IL31RA: variants seen among roughly 807,000 people sequenced by gnomAD.
IL31RA encodes the protein interleukin-31 receptor subunit alpha.
IL31RA carries 66 observed loss-of-function variants against 83.7 expected under a neutral mutation model. That is an observed-to-expected ratio of 0.79 (90% confidence interval 0.65 to 0.97). IL31RA has a LOEUF of 0.97. Among genes scored for constraint, IL31RA ranks in the 50% least tolerant of loss-of-function variants. The probability of loss-of-function intolerance (pLI) is 0.00; values close to 1 mark genes in which losing one functional copy is unlikely to be tolerated. For missense variants in IL31RA, 798 were observed against 919.4 expected, an observed-to-expected ratio of 0.87 and a Z score of 1.71; for synonymous variants, 325 against 329.0, an observed-to-expected ratio of 0.99 and a Z score of 0.13.
chr5:55,858,468 AT>A (rs1233957480), intron 1 of IL31RA, among the ~76,000 whole-genome samples: 1 of 152,194 alleles, frequency 6.6e-6, no homozygotes, highest in Non-Finnish European at 1.5e-5. Context: ...TTATATACCC[AT>A]TTAAATCAAA....
At chr5:55,891,761 A>ATTTTTTT (rs35672011) in intron 6 of IL31RA, among the ~76,000 whole-genome samples, 1,274 of 60,034 alleles carry the variant, frequency 0.021, 249 homozygotes, top group East Asian at 0.029. Flanking sequence ...TTTGGACAAG[A>ATTTTTTT]TTTTTTTTTT....
intron 13 of IL31RA, 40 bp from the exon 14 acceptor site, chr5:55,914,807 T>C: frequency 7.0e-7 from 1 of 1,422,558 alleles, no homozygotes; most frequent in Non-Finnish European, 1.0e-6. Flanking sequence ...CTAATGCTTC[T>C]TGGATTCAAT....
At chr5:55,856,438 C>T (rs1442491136) in intron 1 of IL31RA, among the ~76,000 whole-genome samples, 1 of 152,182 alleles carries the variant, frequency 6.6e-6, no homozygotes, top group Non-Finnish European at 1.5e-5. Context: ...CCCAGGGATG[C>T]AGGAAATGAT....
intron 12 of IL31RA, among the ~76,000 whole-genome samples, chr5:55,912,141 G>T (rs952548114): frequency 4.3e-4 from 65 of 152,112 alleles, no homozygotes; most frequent in African/African-American, 1.5e-3. Flanking sequence ...TCCTACCCTG[G>T]TCTATAGATT....
intron 2 of IL31RA, among the ~76,000 whole-genome samples, chr5:55,867,235 GT>G (rs1256395864): frequency 0.021 from 451 of 21,002 alleles, 12 homozygotes; most frequent in African/African-American, 0.055. Context: ...GTGTGTGTTT[GT>G]GTGTGTGTTT....
the IL31RA span, among the ~76,000 whole-genome samples, chr5:55,845,809 C>T: frequency 1.3e-5 from 2 of 152,212 alleles, no homozygotes; most frequent in Non-Finnish European, 2.9e-5. Context: ...TGAGAACGGA[C>T]TAATACAGCA....
chr5:55,887,910 C>T (rs369372780), intron 5 of IL31RA, among the ~76,000 whole-genome samples: 8 of 151,264 alleles, frequency 5.3e-5, no homozygotes, highest in African/African-American at 1.5e-4. Context: ...ATTAGCCCGG[C>T]GTGGTGGTGC....
Position 55,922,658 on chromosome 5 carries a change from A to G in IL31RA, c.*5538A>G. 1.9e-6 allele frequency: 1 copy of G among 517,028 alleles called. No individual in the cohort carries two copies. The highest frequency in any genetic ancestry group is 3.4e-6 in the Non-Finnish European group (1 of 293,702). The allele number at this position is 517,028 out of a possible 1,614,324, so 32.0% of individuals were successfully genotyped here. On this transcript the variant is annotated 3_prime_UTR_variant, in exon 15 of 15. Coordinates refer to ENST00000652347, the MANE Select transcript of IL31RA (RefSeq NM_139017.7). The stretch of plus-strand genomic sequence containing the variant: ...AGTGTGAAAACATGGTTATGGTAAT[A>G]GGAACAGCTTTTAAAATGCTTTTGT...
At chr5:55,866,812 C>T (rs1746077788) in intron 2 of IL31RA, 1 of 152,430 alleles carries the variant, frequency 6.6e-6, no homozygotes, top group Non-Finnish European at 1.5e-5. Flanking sequence ...ACCTTCCTTT[C>T]ATTCCCTCCC....
chr5:55,846,831 C>A (rs1341128858), upstream of IL31RA, among the ~76,000 whole-genome samples: 1 of 151,936 alleles, frequency 6.6e-6, no homozygotes, highest in Non-Finnish European at 1.5e-5. Flanking sequence ...ACAAAATATT[C>A]TCTGATTTTG....
chr5:55,910,711 C>G (rs779964107), intron 12 of IL31RA, 39 bp downstream of exon 12: 5 of 1,608,308 alleles, frequency 3.1e-6, no homozygotes, highest in Admixed American at 1.7e-5. Context: ...CTCTCCCTCA[C>G]GTTTACCTTA....
At chr5:55,900,889 C>CT (rs1457168811) in intron 8 of IL31RA, among the ~76,000 whole-genome samples, 4 of 151,964 alleles carry the variant, frequency 2.6e-5, no homozygotes, top group Non-Finnish European at 2.9e-5. Flanking sequence ...GTTTTCCTTT[C>CT]TTTTTTTTAA....
At chr5:55,892,724 C>T (rs185552109) in intron 6 of IL31RA, among the ~76,000 whole-genome samples, 5 of 152,322 alleles carry the variant, frequency 3.3e-5, no homozygotes, top group African/African-American at 4.8e-5. Flanking sequence ...GCCATCGTGG[C>T]TCAGAGTCTC....
At chr5:55,905,445 A>G (rs1174019428) in intron 8 of IL31RA, among the ~76,000 whole-genome samples, 1 of 152,188 alleles carries the variant, frequency 6.6e-6, no homozygotes, top group Non-Finnish European at 1.5e-5. Context: ...ATTAAGTTCC[A>G]GATGTTGGAT....
At chr5:55,847,242 TAAAAATAAATAAATA>T (rs1341533303), upstream of IL31RA, among the ~76,000 whole-genome samples, 2,711 of 115,074 alleles carry the variant, frequency 0.024, 72 homozygotes, top group Middle Eastern at 0.1. Flanking sequence ...AAAAAAAAAA[TAAAAATAAATAAATA>T]AATAAATAAA....
In IL31RA at chr5:55,907,366, A is replaced by G. The variant is rs1380545195; in HGVS notation, c.1260A>G (p.Leu420=). 1.9e-6 allele frequency: 3 copies of G among 1,610,186 alleles called. No individual in the cohort carries two copies. The South Asian group carries it at 3.3e-5, about 18-fold the overall frequency. Residue 420 remains leucine (L), a synonymous_variant, in exon 10 of 15, where the codon TTA becomes TTG. Transcript: ENST00000652347. ...TTTCTTTCTTTTTCACAGATAAATTAAAACCTTTCTGGTGCTATAACATCT... is the reference window on the plus strand; with the variant it reads ...TTTCTTTCTTTTTCACAGATAAATTGAAACCTTTCTGGTGCTATAACATCT... ...ATNWTIQQDK[L]KPFWCYNISV... is the part of the protein sequence containing the mutation.
At chr5:55,899,892 A>G (rs1394648339) in intron 7 of IL31RA, 24 bp from the exon 8 acceptor site, 1 of 1,567,948 alleles carries the variant, frequency 6.4e-7, no homozygotes, top group African/African-American at 1.4e-5. Context: ...TATTGGCAAT[A>G]AATTTTGTTT....
the IL31RA span, among the ~76,000 whole-genome samples, chr5:55,844,018 C>T: frequency 1.3e-5 from 2 of 151,772 alleles, no homozygotes; most frequent in African/African-American, 4.8e-5. Context: ...TTTGTAATTT[C>T]AACTTTTATT....
intron 6 of IL31RA, among the ~76,000 whole-genome samples, chr5:55,890,570 A>G (rs937772053): frequency 5.9e-5 from 9 of 152,094 alleles, no homozygotes; most frequent in Non-Finnish European, 1.5e-5. Flanking sequence ...GGATATCACC[A>G]TGTTGGCTAG....
Sources: gnomAD v4.1 joint callset for allele counts (sites outside exome capture counted in the v4.1 genomes callset) on GRCh38, gnomAD v4.1.1 for gene constraint, MANE v1.5 for transcripts, NCBI Gene and HGNC (gene_info 2026-07-23, HGNC 2026-07-21) for gene names.